Variants in PIAS1 observed in about 807,000 individuals in gnomAD.
PIAS1 encodes the protein protein inhibitor of activated STAT 1, also known as E3 SUMO-protein ligase PIAS1.
Under a neutral mutation model 71.3 loss-of-function variants are expected in PIAS1, and 6 were observed. The observed-to-expected ratio is 0.08, with a 90% CI of 0.05 to 0.17. PIAS1 has a LOEUF of 0.17. PIAS1 is among the 10% of genes least tolerant of loss of function. PIAS1 has a pLI of 1.00. For synonymous variants in PIAS1, 303 were observed against 292.9 expected (o/e 1.03, Z -0.35); for missense variants, 555 against 793.6 (o/e 0.70, Z 3.61).
chr15:68,105,522 G>A (rs1392568543), intron 2 of PIAS1, among the ~76,000 whole-genome samples: 1 of 152,072 alleles, frequency 6.6e-6, no homozygotes, highest in African/African-American at 2.4e-5. Flanking sequence ...CCGGAATAAA[G>A]AATCTGGAGC....
chr15:68,083,357 G>A (rs938237678), intron 1 of PIAS1, among the ~76,000 whole-genome samples: 3 of 151,992 alleles, frequency 2.0e-5, no homozygotes, highest in Non-Finnish European at 4.4e-5. Flanking sequence ...AAAAAATACT[G>A]CATGCTTATC....
At position 68,054,321 on chromosome 15, in the gene PIAS1, C is replaced by G; in HGVS notation, c.-6C>G. On this transcript the variant is annotated 5_prime_UTR_variant, in exon 1 of 14. Coordinates refer to ENST00000249636, the MANE Select transcript of PIAS1 (RefSeq NM_016166.3). The surrounding 1 kb of genome is among the most constrained non-coding windows in gnomAD (Gnocchi z 4.6). ...AGTTCACTGCGCTTGCGCTGACAGA[C>G]GCAAGATGGCGGACAGTGCGGAACT... 1.3e-6 allele frequency: 2 copies of G among 1,569,936 alleles called. No homozygotes were observed. The highest frequency in any genetic ancestry group is 2.3e-5 in the South Asian group (2 of 85,396).
At chr15:68,102,979 G>GTA (rs1272309730) in intron 2 of PIAS1, among the ~76,000 whole-genome samples, 1 of 151,852 alleles carries the variant, frequency 6.6e-6, no homozygotes, top group African/African-American at 2.4e-5. Flanking sequence ...CCAGGCTGGA[G>GTA]TATAGTAGCA....
At chr15:68,155,842 T>C (rs1405910195) in intron 7 of PIAS1, among the ~76,000 whole-genome samples, 1 of 152,182 alleles carries the variant, frequency 6.6e-6, no homozygotes, top group Non-Finnish European at 1.5e-5. Flanking sequence ...CCTTCAGCAG[T>C]TATTTCAAGC....
intron 1 of PIAS1, among the ~76,000 whole-genome samples, chr15:68,068,599 T>C (rs1264695771): frequency 1.3e-5 from 2 of 151,576 alleles, no homozygotes; most frequent in Non-Finnish European, 2.9e-5. Context: ...ATTACGGGTG[T>C]CTGCCACCAT....
intron 1 of PIAS1, among the ~76,000 whole-genome samples, chr15:68,064,867 AAT>A (rs569667870): frequency 2.1e-3 from 314 of 152,284 alleles, no homozygotes; most frequent in African/African-American, 7.4e-3. Context: ...TTTTATTAAA[AAT>A]ATTTTTTAAA....
chr15:68,159,607 A>G (rs1034224161), intron 7 of PIAS1, among the ~76,000 whole-genome samples: 10 of 152,108 alleles, frequency 6.6e-5, no homozygotes, highest in African/African-American at 2.4e-4. Flanking sequence ...ACTTAGTATA[A>G]TGCTTTTGAA....
At position 68,062,018 on chromosome 15, in the gene PIAS1, A is replaced by C. The variant is rs931754477; in HGVS notation, c.24+7668A>C. ...GTGTCAGATGAACAAATTATGTTTAAGATTTGTTTCTGTCAGAGACTGGGG... is the reference window on the plus strand; with the variant it reads ...GTGTCAGATGAACAAATTATGTTTACGATTTGTTTCTGTCAGAGACTGGGG... On this transcript the variant is annotated intron_variant, in intron 1 of 13. Coordinates refer to ENST00000249636, the MANE Select transcript of PIAS1 (RefSeq NM_016166.3). Among the ~76,000 whole-genome samples, 12 of 152,330 alleles carry C rather than the reference A, an allele frequency of 7.9e-5. No individual in the cohort carries two copies. The East Asian group carries it at 2.1e-3, about 27-fold the overall frequency.
At chr15:68,063,884 GTTC>G (rs1190477619) in intron 1 of PIAS1, among the ~76,000 whole-genome samples, 1 of 147,422 alleles carries the variant, frequency 6.8e-6, no homozygotes, top group Non-Finnish European at 1.5e-5. Context: ...TAGTAGTTGT[GTTC>G]TTCATCACTG....
chr15:68,164,454 T>C (rs1237471715), intron 7 of PIAS1, among the ~76,000 whole-genome samples: 1 of 152,178 alleles, frequency 6.6e-6, no homozygotes, highest in Non-Finnish European at 1.5e-5. Flanking sequence ...TGTCAACATA[T>C]TAGAGAAATT....
chr15:68,160,305 G>T (rs907916168), intron 7 of PIAS1, among the ~76,000 whole-genome samples: 6 of 152,098 alleles, frequency 3.9e-5, no homozygotes, highest in Non-Finnish European at 8.8e-5. Context: ...GGTGAGAGTA[G>T]AGATTCATTT....
chr15:68,093,643 A>G (rs2092351194), intron 2 of PIAS1, among the ~76,000 whole-genome samples: 1 of 152,230 alleles, frequency 6.6e-6, no homozygotes, highest in Non-Finnish European at 1.5e-5. Flanking sequence ...TTGAGTTTTA[A>G]AAGAAATCAT....
rs938154359 is a variant in PIAS1 at position 68,171,305 on chromosome 15, C to A, written c.1009-2427C>A. On this transcript the variant is annotated intron_variant, in intron 8 of 13. Coordinates refer to ENST00000249636, the MANE Select transcript of PIAS1 (RefSeq NM_016166.3). This position sits in a 1 kb window ranked among gnomAD's most constrained non-coding sequence, Gnocchi z 4.4. ...ACAGTGCCTTCTTCTGGAATACCTC[C>A]TGAAGGACCTGCCTGAGGCTGTTTT... 2.6e-5 allele frequency among the ~76,000 whole-genome samples: 4 copies of A among 152,158 alleles called. No homozygotes were observed. The highest frequency in any genetic ancestry group is 1.3e-4 in the Admixed American group (2 of 15,276).
intron 2 of PIAS1, among the ~76,000 whole-genome samples, chr15:68,103,454 T>C (rs2092445463): frequency 6.6e-6 from 1 of 152,206 alleles, no homozygotes; most frequent in Non-Finnish European, 1.5e-5. Flanking sequence ...AATAGCTTTA[T>C]TGACATATAA....
At chr15:68,175,009 T>C (rs1407789638) in intron 9 of PIAS1, among the ~76,000 whole-genome samples, 1 of 152,202 alleles carries the variant, frequency 6.6e-6, no homozygotes, top group East Asian at 1.9e-4. Context: ...CATACTCTTT[T>C]AAAGAAAAAT....
In PIAS1 at chr15:68,178,269, C is replaced by CA. The variant is rs199993365; in HGVS notation, c.1481+1624dup. On this transcript the variant is annotated intron_variant, in intron 11 of 13. Transcript: ENST00000249636. This position sits in a 1 kb window ranked among gnomAD's most constrained non-coding sequence, Gnocchi z 4.2. ...TGGGTGACAGAATGAGACCCCATCT[C>CA]AAAAAAAAATAAGATTTCAGTCAAA... is the stretch of plus-strand genomic sequence containing the variant. Among the ~76,000 whole-genome samples the CA allele has an allele frequency of 0.015, 2,275 of 148,660 alleles. 27 individuals are homozygous for CA. Among genetic ancestry groups the CA allele is most frequent in the East Asian group, 0.032 (165 of 5,096 alleles).
At chr15:68,129,364 G>T (rs2092673278) in intron 2 of PIAS1, among the ~76,000 whole-genome samples, 1 of 152,074 alleles carries the variant, frequency 6.6e-6, no homozygotes, top group Admixed American at 6.5e-5. Flanking sequence ...CACTGCACCT[G>T]GCCCAGTTAC....
Position 68,072,399 on chromosome 15 carries a change from C to CAAA in PIAS1, c.25-13880_25-13878dup, listed in dbSNP as rs1166484451. 7.6e-4 allele frequency among the ~76,000 whole-genome samples: 19 copies of CAAA among 25,018 alleles called. 1 individual carries two copies. Among genetic ancestry groups the CAAA allele is most frequent in the African/African-American group, 1.5e-3 (11 of 7,504 alleles). The allele number at this position is 25,018 out of a possible 152,430, so 16.4% of individuals were successfully genotyped here. A position where few individuals can be genotyped will look rare whatever the true frequency, so the allele number is the denominator to read the frequency against. The stretch of plus-strand genomic sequence containing the variant: ...TGGGTGACAGAGCGAGACTCCATCT[C>CAAA]AAAAAAAAAAAAAAAAAAAAAAAAA... On this transcript the variant is annotated intron_variant, in intron 1 of 13. Transcript: ENST00000249636.
At chr15:68,059,300 G>T (rs906075167) in intron 1 of PIAS1, among the ~76,000 whole-genome samples, 6 of 151,766 alleles carry the variant, frequency 4.0e-5, no homozygotes, top group African/African-American at 1.5e-4. Context: ...AGCCACCACC[G>T]CGCCAGGCCC....
Sources: allele counts gnomAD v4.1 joint callset (sites outside exome capture counted in the v4.1 genomes callset), GRCh38; gene constraint gnomAD v4.1.1; non-coding constraint Gnocchi (gnomAD v3.1); transcripts MANE v1.5; gene names NCBI Gene and HGNC (gene_info 2026-07-23, HGNC 2026-07-21).